RGS3: variants seen among roughly 807,000 people sequenced by gnomAD.
The protein encoded by RGS3 is regulator of G-protein signalling 3.
In RGS3, 80 loss-of-function variants were observed where a neutral mutation model predicts 132.6. That is an observed-to-expected ratio of 0.60 (90% CI 0.50 to 0.73). The LOEUF is 0.73. Ranked by LOEUF, RGS3 falls within the 30% of genes least tolerant of loss-of-function variation. RGS3 has a pLI of 0.00. For synonymous variants in RGS3, 598 were observed against 620.6 expected (o/e 0.96, Z 0.54); for missense variants, 1,382 against 1,530.8 (o/e 0.90, Z 1.62).
chr9:113,457,382 C>A (rs907205291), upstream of RGS3, among the ~76,000 whole-genome samples: 1 of 152,198 alleles, frequency 6.6e-6, no homozygotes, highest in Non-Finnish European at 1.5e-5. Context: ...TTATTCTATG[C>A]TTCCAGAGGT....
At chr9:113,473,089 A>G (rs1243826928) in intron 3 of RGS3, among the ~76,000 whole-genome samples, 1 of 152,192 alleles carries the variant, frequency 6.6e-6, no homozygotes, top group Non-Finnish European at 1.5e-5. Flanking sequence ...TTATATCCCA[A>G]TACAGCTGTT....
intron 7 of RGS3, among the ~76,000 whole-genome samples, chr9:113,492,008 A>C (rs1043299503): frequency 6.6e-6 from 1 of 152,242 alleles, no homozygotes; most frequent in Non-Finnish European, 1.5e-5. Flanking sequence ...AACGTCAGAA[A>C]GCTTGTGACC....
intron 19 of RGS3, among the ~76,000 whole-genome samples, chr9:113,544,805 C>G: frequency 6.6e-6 from 1 of 152,206 alleles, no homozygotes; most frequent in East Asian, 1.9e-4. Context: ...ACCTAATCTA[C>G]CACTCATTTC....
exon 25 of RGS3, chr9:113,597,040 C>T: frequency 8.4e-7 from 1 of 1,195,770 alleles, no homozygotes; most frequent in Admixed American, 2.3e-5. Flanking sequence ...ACGGAGGGGG[C>T]AAGCAAGCCC....
chr9:113,501,574 G>A, intron 10 of RGS3: 1 of 1,550,882 alleles, frequency 6.4e-7, no homozygotes, highest in Admixed American at 1.9e-5. Flanking sequence ...AGGACCCGCA[G>A]CCATGAACCG....
chr9:113,564,430 C>G (rs1198027345), intron 19 of RGS3, among the ~76,000 whole-genome samples: 1 of 152,186 alleles, frequency 6.6e-6, no homozygotes. Context: ...CTCTATTCAT[C>G]CCACAGGTGG....
At chr9:113,446,378 T>C (rs900941082) in intron 1 of RGS3, among the ~76,000 whole-genome samples, 2 of 152,168 alleles carry the variant, frequency 1.3e-5, no homozygotes, top group African/African-American at 4.8e-5. Context: ...CCCAGGAATA[T>C]AGCTTTGTAA....
chr9:113,493,442 C>T (rs1207637840), intron 7 of RGS3, among the ~76,000 whole-genome samples: 1 of 152,182 alleles, frequency 6.6e-6, no homozygotes, highest in Non-Finnish European at 1.5e-5. Flanking sequence ...GAGAGACAGC[C>T]AGAAGCAGGG....
intron 3 of RGS3, among the ~76,000 whole-genome samples, chr9:113,474,909 A>G (rs1829944911): frequency 6.6e-6 from 1 of 151,512 alleles, no homozygotes; most frequent in African/African-American, 2.4e-5. Context: ...TACTTCCTTT[A>G]TTTTCTGAGT....
intron 14 of RGS3, among the ~76,000 whole-genome samples, chr9:113,511,596 G>T (rs1831404961): frequency 6.6e-6 from 1 of 152,140 alleles, no homozygotes; most frequent in Non-Finnish European, 1.5e-5. Flanking sequence ...ATGGGGCTGA[G>T]CCGACTTTTC....
intron 24 of RGS3, among the ~76,000 whole-genome samples, chr9:113,596,527 A>C (rs1055193649): frequency 6.6e-6 from 1 of 152,186 alleles, no homozygotes; most frequent in Admixed American, 6.5e-5. Context: ...TAGGATTTGA[A>C]CCCAGGAAGC....
At position 113,589,594 on chromosome 9, in the gene RGS3, G is replaced by A. The variant is rs148862224; in HGVS notation, c.3016-1739G>A. Among the ~76,000 whole-genome samples the A allele has an allele frequency of 8.2e-4, 125 of 152,342 alleles. 2 individuals carry two copies. Among genetic ancestry groups the A allele is most frequent in the Middle Eastern group, 3.4e-3 (1 of 294 alleles). On this transcript the variant is annotated intron_variant, in intron 20 of 24. Transcript: ENST00000350696. ...GGAGCCGATAAAGTACGGAAGCTGAGGTTAGAATGGGAGGAAGCCCAGGGC... is the reference window on the plus strand; with the variant it reads ...GGAGCCGATAAAGTACGGAAGCTGAAGTTAGAATGGGAGGAAGCCCAGGGC...
At chr9:113,505,296 T>G (rs1831078389) in intron 10 of RGS3, 146 bp from the exon 9 acceptor site, 1 of 670,686 alleles carries the variant, frequency 1.5e-6, no homozygotes. Context: ...ATAGGGACAC[T>G]GAGGGGCTGG....
intron 16 of RGS3, among the ~76,000 whole-genome samples, chr9:113,521,427 G>T (rs773430554): frequency 6.6e-6 from 1 of 152,228 alleles, no homozygotes; most frequent in Non-Finnish European, 1.5e-5. Context: ...ACTCCCTGGA[G>T]TGAGGAGTGT....
Position 113,463,297 on chromosome 9 carries a change from A to G in RGS3, c.415+1096A>G, listed in dbSNP as rs1355243568. On this transcript the variant is annotated intron_variant, in intron 3 of 24. Transcript: ENST00000350696. This position sits in a 1 kb window ranked among gnomAD's most constrained non-coding sequence, Gnocchi z 4.6. ...TCCAAGCGCAGAGAACACTTTTCCA[A>G]ACCTCACTGCCCTGGGCCATCGGGT... 5.9e-5 allele frequency among the ~76,000 whole-genome samples: 9 copies of G among 152,240 alleles called. No individual in the cohort carries two copies. The highest frequency in any genetic ancestry group is 1.0e-4 in the Non-Finnish European group (7 of 68,014).
At chr9:113,587,518 C>T (rs147105979) in intron 20 of RGS3, among the ~76,000 whole-genome samples, 2 of 152,172 alleles carry the variant, frequency 1.3e-5, no homozygotes, top group Non-Finnish European at 2.9e-5. Context: ...AACACGGAGT[C>T]CCCCGGGAGT....
chr9:113,583,720 C>T (rs866430392), exon 20 of RGS3: 1 of 1,614,022 alleles, frequency 6.2e-7, no homozygotes, highest in South Asian at 1.1e-5. Context: ...ATGCCAGGAA[C>T]CCCCTCCAGC....
chr9:113,479,453 G>A, intron 3 of RGS3, 38 bp from the exon 2 acceptor site: 3 of 1,608,192 alleles, frequency 1.9e-6, no homozygotes, highest in Non-Finnish European at 2.6e-6. Flanking sequence ...ACCCACCAGG[G>A]AGCTGAGGCA....
chr9:113,472,646 G>A (rs1829869943), intron 3 of RGS3, among the ~76,000 whole-genome samples: 1 of 152,234 alleles, frequency 6.6e-6, no homozygotes, highest in Admixed American at 6.5e-5. Flanking sequence ...GACTGCGAAA[G>A]AGTATGGGAT....
Sources: gnomAD v4.1 joint callset for allele counts (sites outside exome capture counted in the v4.1 genomes callset) on GRCh38, gnomAD v4.1.1 for gene constraint, Gnocchi (gnomAD v3.1) non-coding constraint, MANE v1.5 for transcripts, NCBI Gene and HGNC (gene_info 2026-07-23, HGNC 2026-07-21) for gene names.